SLC1A2: variants seen among roughly 807,000 people sequenced by gnomAD.
SLC1A2 encodes the protein solute carrier family 1 member 2, also known as excitatory amino acid transporter 2.
A neutral mutation model predicts 48.8 loss-of-function variants in SLC1A2; 15 were observed. The ratio of observed to expected loss-of-function variants is 0.31; its 90% CI spans 0.21 to 0.47. The LOEUF (loss-of-function observed/expected upper bound fraction) is 0.47, where lower values mean the gene tolerates loss of function less well. SLC1A2 is among the 20% of genes least tolerant of loss of function. The probability of loss-of-function intolerance (pLI) is 0.99; values close to 1 mark genes in which losing one functional copy is unlikely to be tolerated. For synonymous variants in SLC1A2, 279 were observed against 272.6 expected (o/e 1.02, Z -0.23); for missense variants, 502 against 730.5 (o/e 0.69, Z 3.61).
intron 1 of SLC1A2, among the ~76,000 whole-genome samples, chr11:35,337,507 C>G (rs543878062): frequency 2.0e-5 from 3 of 152,254 alleles, no homozygotes; most frequent in Admixed American, 6.5e-5. Flanking sequence ...ATATTACCAA[C>G]AGTATCACCA....
chr11:35,337,961 G>A (rs957054275), intron 1 of SLC1A2, among the ~76,000 whole-genome samples: 4 of 152,058 alleles, frequency 2.6e-5, no homozygotes, highest in Admixed American at 1.3e-4. Flanking sequence ...CCTTAGTATA[G>A]CATAAATAAT....
chr11:35,287,862 T>C (rs925892689), intron 7 of SLC1A2, among the ~76,000 whole-genome samples: 2 of 152,226 alleles, frequency 1.3e-5, no homozygotes, highest in Non-Finnish European at 2.9e-5. Context: ...TAGAAAGCAA[T>C]GCAGAACACT....
rs1855716511 is a variant in SLC1A2 at position 35,419,415 on chromosome 11, G to GGT, written c.-451_-450dup. 5.2e-6 allele frequency: 1 copy of GGT among 193,510 alleles called. No homozygotes were observed. Among genetic ancestry groups the GGT allele is most frequent in the Non-Finnish European group, 1.0e-5 (1 of 95,604 alleles). The allele number at this position is 193,510 out of a possible 1,614,324, so 12.0% of individuals were successfully genotyped here. A position where few individuals can be genotyped will look rare whatever the true frequency, so the allele number is the denominator to read the frequency against. On this transcript the variant is annotated 5_prime_UTR_variant, in exon 1 of 11. Transcript: ENST00000278379. This position sits in a 1 kb window ranked among gnomAD's most constrained non-coding sequence, Gnocchi z 5.4. ...CGGTGAGCGTGCGTGCGCGTGTGCGGGTGTGTGCGCGCCTGGGGAGGCGGT... is the reference window on the plus strand; with the variant it reads ...CGGTGAGCGTGCGTGCGCGTGTGCGGGTGTGTGTGCGCGCCTGGGGAGGCGGT...
chr11:35,333,843 T>G (rs948841900), intron 1 of SLC1A2, among the ~76,000 whole-genome samples: 3 of 122,618 alleles, frequency 2.4e-5, no homozygotes, highest in African/African-American at 2.9e-5. Context: ...TTTTTTTTTT[T>G]TTTTTTTGTA....
chr11:35,346,655 CTGTT>C (rs1322570649), intron 1 of SLC1A2, among the ~76,000 whole-genome samples: 3 of 152,256 alleles, frequency 2.0e-5, no homozygotes, highest in Non-Finnish European at 2.9e-5. Context: ...CAGTCAATAA[CTGTT>C]TGTTGAGTGA....
chr11:35,270,631 C>G (rs1850256293), intron 9 of SLC1A2, among the ~76,000 whole-genome samples: 1 of 152,050 alleles, frequency 6.6e-6, no homozygotes, highest in African/African-American at 2.4e-5. Flanking sequence ...GATAAATGTT[C>G]AAAAAGAAAT....
intron 7 of SLC1A2, among the ~76,000 whole-genome samples, chr11:35,290,486 T>C (rs1850964012): frequency 6.6e-6 from 1 of 152,146 alleles, no homozygotes. Context: ...TTGAAAGATA[T>C]ATAACTAAAG....
At chr11:35,308,545 G>A (rs191319588) in intron 4 of SLC1A2, among the ~76,000 whole-genome samples, 1 of 152,062 alleles carries the variant, frequency 6.6e-6, no homozygotes, top group Non-Finnish European at 1.5e-5. Context: ...TATCAGCATC[G>A]GGCAAGAGCC....
Position 35,259,556 on chromosome 11 carries a change from C to A in SLC1A2, c.*1338G>T, listed in dbSNP as rs1950364068. 1 of 152,260 alleles carries A rather than the reference C, an allele frequency of 6.6e-6. No homozygotes were observed. The highest frequency in any genetic ancestry group is 1.5e-5 in the Non-Finnish European group (1 of 68,040). 9.4% of individuals were successfully genotyped at this position (152,260 alleles called of 1,614,324 possible). ...TGCTACACCAATTATATTATTTATT[C>A]CTTAAAACTTCACAGCCTTAAACAA... On this transcript the variant is annotated 3_prime_UTR_variant, in exon 11 of 11. Coordinates refer to ENST00000278379, the MANE Select transcript of SLC1A2 (RefSeq NM_004171.4).
At chr11:35,362,033 T>C (rs1338524648) in intron 1 of SLC1A2, among the ~76,000 whole-genome samples, 2 of 152,208 alleles carry the variant, frequency 1.3e-5, no homozygotes, top group Admixed American at 6.5e-5. Context: ...GGATTCAGGC[T>C]GCTATATAGA....
At chr11:35,321,202 CA>C (rs1433581820) in intron 1 of SLC1A2, among the ~76,000 whole-genome samples, 6 of 152,268 alleles carry the variant, frequency 3.9e-5, no homozygotes, top group Admixed American at 3.9e-4. Flanking sequence ...TAACTGCCCC[CA>C]TGATTCAGTT....
intron 6 of SLC1A2, among the ~76,000 whole-genome samples, chr11:35,294,898 A>C (rs1000546084): frequency 2.0e-5 from 3 of 152,200 alleles, no homozygotes; most frequent in African/African-American, 7.2e-5. Flanking sequence ...AGGGTTTATA[A>C]ATATGGCAAG....
chr11:35,361,934 C>A (rs1439135849), intron 1 of SLC1A2, among the ~76,000 whole-genome samples: 1 of 152,176 alleles, frequency 6.6e-6, no homozygotes, highest in African/African-American at 2.4e-5. Context: ...CACGTTCACA[C>A]CACTGCACTC....
At chr11:35,322,329 T>C (rs1168386460) in intron 1 of SLC1A2, among the ~76,000 whole-genome samples, 2 of 152,218 alleles carry the variant, frequency 1.3e-5, no homozygotes, top group African/African-American at 4.8e-5. Context: ...TGCTTTTCAT[T>C]AGCATTCGAT....
At chr11:35,395,923 G>A (rs895491673) in intron 1 of SLC1A2, among the ~76,000 whole-genome samples, 4 of 145,532 alleles carry the variant, frequency 2.7e-5, no homozygotes, top group Admixed American at 6.9e-5. Flanking sequence ...GAGAATATGC[G>A]GTGTTTGGTT....
At chr11:35,334,641 G>T (rs138532307) in intron 1 of SLC1A2, among the ~76,000 whole-genome samples, 1 of 152,118 alleles carries the variant, frequency 6.6e-6, no homozygotes, top group Non-Finnish European at 1.5e-5. Flanking sequence ...TCTCTGCATG[G>T]CCCCTTATTA....
chr11:35,306,836 C>T (rs993072875), intron 4 of SLC1A2, among the ~76,000 whole-genome samples: 6 of 152,188 alleles, frequency 3.9e-5, no homozygotes, highest in Non-Finnish European at 5.9e-5. Flanking sequence ...GACCGCCAGT[C>T]TTATCCATGT....
chr11:35,334,282 T>TA (rs1375937543), intron 1 of SLC1A2, among the ~76,000 whole-genome samples: 1 of 152,200 alleles, frequency 6.6e-6, no homozygotes, highest in Non-Finnish European at 1.5e-5. Context: ...TTCATGTGCA[T>TA]ACCTGCCTGG....
At position 35,374,577 on chromosome 11, in the gene SLC1A2, C is replaced by T. The variant is rs192528957; in HGVS notation, c.17+44373G>A. On this transcript the variant is annotated intron_variant, in intron 1 of 10. Transcript: ENST00000278379. ...ACTAACACTAATGATAGCTGATGAGCTAAAAAGAAAAAGGGTTTGTGTATA... is the reference window on the plus strand; with the variant it reads ...ACTAACACTAATGATAGCTGATGAGTTAAAAAGAAAAAGGGTTTGTGTATA... The T allele has an allele frequency of 8.3e-4, 142 of 170,928 alleles. 1 individual carries two copies. In the East Asian group the frequency reaches 0.017, roughly 20 times the overall value. The allele number at this position is 170,928 out of a possible 1,614,324, so 10.6% of individuals were successfully genotyped here.
Sources: gnomAD v4.1 joint callset for allele counts (sites outside exome capture counted in the v4.1 genomes callset) on GRCh38, gnomAD v4.1.1 for gene constraint, Gnocchi (gnomAD v3.1) non-coding constraint, MANE v1.5 for transcripts, NCBI Gene and HGNC (gene_info 2026-07-23, HGNC 2026-07-21) for gene names.